The following PLXDC2 variants were observed in gnomAD, a reference collection of about 807,000 sequenced individuals.
PLXDC2 encodes the protein plexin domain-containing protein 2.
PLXDC2 carries 40 observed loss-of-function variants against 68.9 expected under a neutral mutation model. The ratio of observed to expected loss-of-function variants is 0.58; its 90% CI spans 0.45 to 0.76. The LOEUF (loss-of-function observed/expected upper bound fraction) is 0.76, where lower values mean the gene tolerates loss of function less well. Among genes scored for constraint, PLXDC2 ranks in the 30% least tolerant of loss-of-function variants. PLXDC2 has a pLI of 0.00. For synonymous variants in PLXDC2, 243 were observed against 234.2 expected (o/e 1.04, Z -0.34); for missense variants, 644 against 661.9 (o/e 0.97, Z 0.30).
At chr10:20,220,209 AAAT>A (rs1472645264) in intron 12 of PLXDC2, among the ~76,000 whole-genome samples, 1 of 152,180 alleles carries the variant, frequency 6.6e-6, no homozygotes, top group East Asian at 1.9e-4. Context: ...ATCATCTGCA[AAAT>A]ATATACTAGC....
At chr10:20,253,370 G>GATAATAATAATAATA (rs3051539) in intron 13 of PLXDC2, among the ~76,000 whole-genome samples, 26 of 145,572 alleles carry the variant, frequency 1.8e-4, no homozygotes, top group East Asian at 1.2e-3. Context: ...GTCTCAAAAT[G>GATAATAATAATAATA]ATAATAATAA....
intron 1 of PLXDC2, among the ~76,000 whole-genome samples, chr10:19,831,131 C>T (rs921357827): frequency 5.3e-5 from 8 of 152,160 alleles, no homozygotes; most frequent in African/African-American, 1.2e-4. Context: ...TTATCAATGA[C>T]CATTAAAATG....
At chr10:19,906,048 T>C (rs1370332376) in intron 1 of PLXDC2, among the ~76,000 whole-genome samples, 2 of 150,900 alleles carry the variant, frequency 1.3e-5, no homozygotes, top group Non-Finnish European at 2.9e-5. Context: ...TACATTCTAG[T>C]GATGTGAAAC....
chr10:19,954,299 T>TG (rs1445546464), intron 1 of PLXDC2, among the ~76,000 whole-genome samples: 1 of 152,092 alleles, frequency 6.6e-6, no homozygotes, highest in Admixed American at 6.5e-5. Context: ...TTTATTATCC[T>TG]TATGGACATT....
At chr10:19,949,082 GCAC>G (rs911995840) in intron 1 of PLXDC2, among the ~76,000 whole-genome samples, 1 of 119,314 alleles carries the variant, frequency 8.4e-6, no homozygotes, top group Admixed American at 1.1e-4. Context: ...AACCAAGATT[GCAC>G]CACTGCACTC....
chr10:19,991,741 C>G (rs1361696631), intron 1 of PLXDC2, among the ~76,000 whole-genome samples: 1 of 152,118 alleles, frequency 6.6e-6, no homozygotes, highest in African/African-American at 2.4e-5. Flanking sequence ...ATCTGGCAGC[C>G]TAGATTTAAT....
intron 1 of PLXDC2, among the ~76,000 whole-genome samples, chr10:19,880,204 AT>A (rs1837702575): frequency 6.6e-6 from 1 of 152,234 alleles, no homozygotes; most frequent in Admixed American, 6.5e-5. Context: ...ATCATTTTCT[AT>A]TTAGAATCAG....
chr10:19,958,075 A>G (rs1221095310), intron 1 of PLXDC2, among the ~76,000 whole-genome samples: 3 of 151,834 alleles, frequency 2.0e-5, no homozygotes, highest in Non-Finnish European at 2.9e-5. Context: ...CTTGTTGTTC[A>G]TTGCATCTAG....
chr10:19,904,651 G>A (rs1430716690), intron 1 of PLXDC2, among the ~76,000 whole-genome samples: 4 of 152,150 alleles, frequency 2.6e-5, no homozygotes, highest in African/African-American at 9.7e-5. Flanking sequence ...AGGGTCTGAG[G>A]ATTCTCTTGG....
chr10:19,877,491 A>C (rs1837653544), intron 1 of PLXDC2, among the ~76,000 whole-genome samples: 2 of 152,200 alleles, frequency 1.3e-5, no homozygotes, highest in African/African-American at 4.8e-5. Flanking sequence ...CTATGTGACT[A>C]AGTTTTTGCC....
At chr10:20,094,408 G>A (rs912582558) in intron 4 of PLXDC2, among the ~76,000 whole-genome samples, 5 of 151,884 alleles carry the variant, frequency 3.3e-5, no homozygotes, top group Non-Finnish European at 5.9e-5. Flanking sequence ...AACCTCATAT[G>A]GGTTTGATTT....
rs182420723 is a variant in PLXDC2, at chr10:20,191,664, A to T, written c.1061+14255A>T. On this transcript the variant is annotated intron_variant, in intron 9 of 13. Transcript: ENST00000377252. ...ATGTGTTCTCATTGTTGTGGGGTGGAGGGAGGGGGGAGGGATAGCATTAGG... is the reference window on the plus strand; with the variant it reads ...ATGTGTTCTCATTGTTGTGGGGTGGTGGGAGGGGGGAGGGATAGCATTAGG... Among the ~76,000 whole-genome samples, 27 of 141,004 alleles carry T rather than the reference A, an allele frequency of 1.9e-4. No homozygotes were observed. In the East Asian group the frequency reaches 3.6e-3, roughly 19 times the overall value. The allele number at this position is 141,004 out of a possible 152,430, so 92.5% of individuals were successfully genotyped here. A position where few individuals can be genotyped will look rare whatever the true frequency, so the allele number is the denominator to read the frequency against.
intron 1 of PLXDC2, among the ~76,000 whole-genome samples, chr10:19,827,057 G>A (rs1293548403): frequency 1.3e-5 from 2 of 152,146 alleles, no homozygotes; most frequent in African/African-American, 4.8e-5. Context: ...TGTGAGGGTA[G>A]GAACATCCTT....
chr10:20,142,375 A>G (rs1367722284), intron 4 of PLXDC2, among the ~76,000 whole-genome samples: 1 of 152,054 alleles, frequency 6.6e-6, no homozygotes, highest in East Asian at 1.9e-4. Context: ...TCAATTGTGT[A>G]TTTCTTAGAT....
chr10:20,211,610 G>A, intron 9 of PLXDC2, 59 bp from the exon 10 acceptor site: 2 of 1,502,410 alleles, frequency 1.3e-6, no homozygotes, highest in Non-Finnish European at 1.8e-6. Flanking sequence ...TTTAATTTCT[G>A]TCCACCACCC....
At chr10:20,198,550 AT>A (rs1171561977) in intron 9 of PLXDC2, among the ~76,000 whole-genome samples, 1 of 152,106 alleles carries the variant, frequency 6.6e-6, no homozygotes, top group Non-Finnish European at 1.5e-5. Context: ...GTTATCTACA[AT>A]TTCCACCTTA....
At position 19,952,360 on chromosome 10, in the gene PLXDC2, TTC is replaced by T. The variant is rs1834004234; in HGVS notation, c.113-49413_113-49412del. The stretch of plus-strand genomic sequence containing the variant: ...TTTGCCAGCTGACTGGCTGCTGACT[TTC>T]TGAAAAATGACATTGATTTCTTAAG... On this transcript the variant is annotated intron_variant, in intron 1 of 13. Transcript: ENST00000377252. 3.3e-5 allele frequency among the ~76,000 whole-genome samples: 5 copies of T among 152,270 alleles called. No individual in the cohort carries two copies. The South Asian group carries it at 1.0e-3, about 32-fold the overall frequency.
chr10:20,283,229 C>G lies in PLXDC2; in HGVS notation c.*3410C>G, dbSNP rs1235671278. ...ATGAAAAAAATACAAGCTGACACAG[C>G]TTTAAATCCCCACTGTGTTATCTTG... On this transcript the variant is annotated 3_prime_UTR_variant, in exon 14 of 14. Transcript: ENST00000377252. The G allele has an allele frequency of 1.3e-5, 2 of 152,176 alleles. No homozygotes were observed. Among genetic ancestry groups the G allele is most frequent in the Admixed American group, 6.5e-5 (1 of 15,270 alleles). 9.4% of individuals were successfully genotyped at this position (152,176 alleles called of 1,614,324 possible).
At chr10:19,866,696 G>A (rs571249830) in intron 1 of PLXDC2, among the ~76,000 whole-genome samples, 3 of 152,328 alleles carry the variant, frequency 2.0e-5, no homozygotes, top group East Asian at 1.9e-4. Flanking sequence ...TCCCAAGCAA[G>A]GAGAATAGGC....
Sources: allele counts gnomAD v4.1 joint callset (sites outside exome capture counted in the v4.1 genomes callset), GRCh38; gene constraint gnomAD v4.1.1; transcripts MANE v1.5; gene names NCBI Gene and HGNC (gene_info 2026-07-23, HGNC 2026-07-21).